The following DDR2 variants were observed in gnomAD, a reference collection of about 807,000 sequenced individuals.
DDR2 encodes the protein discoidin domain-containing receptor 2.
A neutral mutation model predicts 94.9 loss-of-function variants in DDR2; 27 were observed. The ratio of observed to expected loss-of-function variants is 0.28; its 90% confidence interval spans 0.21 to 0.39. The LOEUF (loss-of-function observed/expected upper bound fraction) is 0.39, where lower values mean the gene tolerates loss of function less well. Among genes scored for constraint, DDR2 ranks in the 10% least tolerant of loss-of-function variants. The pLI, the probability that DDR2 is intolerant of heterozygous loss-of-function variation, is 1.00. For missense variants in DDR2, 783 were observed against 1,076.0 expected (o/e 0.73, Z 3.81); for synonymous variants, 382 against 377.2 (o/e 1.01, Z -0.15).
chr1:162,696,959 C>T (rs1660222050), intron 2 of DDR2, among the ~76,000 whole-genome samples: 1 of 152,046 alleles, frequency 6.6e-6, no homozygotes, highest in Admixed American at 6.6e-5. Flanking sequence ...GCTGAGATTT[C>T]TATTATACAA....
intron 2 of DDR2, among the ~76,000 whole-genome samples, chr1:162,695,647 G>A (rs1660155136): frequency 6.6e-6 from 1 of 152,218 alleles, no homozygotes; most frequent in African/African-American, 2.4e-5. Context: ...AAATGGGGAT[G>A]TGGAGCACTG....
chr1:162,701,154 A>C (rs527927162), intron 2 of DDR2, among the ~76,000 whole-genome samples: 13 of 152,250 alleles, frequency 8.5e-5, no homozygotes, highest in Admixed American at 5.9e-4. Context: ...TAGTAGATAG[A>C]ATCATTCTTT....
intron 3 of DDR2, among the ~76,000 whole-genome samples, chr1:162,728,002 AT>A (rs1330911814): frequency 3.5e-5 from 5 of 141,530 alleles, no homozygotes; most frequent in African/African-American, 7.8e-5. Context: ...ATATATATCT[AT>A]ATATATATAG....
At chr1:162,762,154 T>C (rs1036937201) in intron 9 of DDR2, among the ~76,000 whole-genome samples, 10 of 152,220 alleles carry the variant, frequency 6.6e-5, no homozygotes, top group Non-Finnish European at 1.2e-4. Flanking sequence ...AGTTTCTTTA[T>C]TCTATTTGCT....
At chr1:162,721,737 A>T (rs1661431821) in intron 3 of DDR2, among the ~76,000 whole-genome samples, 1 of 152,204 alleles carries the variant, frequency 6.6e-6, no homozygotes, top group African/African-American at 2.4e-5. Context: ...GGTTTTTCCC[A>T]CAGAATGGCC....
chr1:162,641,662 T>C (rs963258778), intron 1 of DDR2, among the ~76,000 whole-genome samples: 2 of 152,358 alleles, frequency 1.3e-5, no homozygotes, highest in East Asian at 3.9e-4. Context: ...AATTGAAATG[T>C]CATATACTAT....
chr1:162,776,001 G>A (rs567661817), intron 15 of DDR2, 135 bp from the exon 16 acceptor site: 130 of 1,301,558 alleles, frequency 1.0e-4, no homozygotes, highest in Admixed American at 1.2e-4. Context: ...TTGGGGAAAC[G>A]CAAGGGATTC....
chr1:162,775,537 A>G, intron 14 of DDR2, 115 bp from the exon 15 acceptor site: 2 of 1,167,852 alleles, frequency 1.7e-6, no homozygotes, highest in African/African-American at 1.5e-5. Context: ...AAAGTTATCC[A>G]AAGGGAAACA....
At chr1:162,676,230 T>G (rs1659114273) in intron 2 of DDR2, among the ~76,000 whole-genome samples, 1 of 152,060 alleles carries the variant, frequency 6.6e-6, no homozygotes, top group African/African-American at 2.4e-5. Flanking sequence ...GCCTTACTCC[T>G]GGTCACATGC....
chr1:162,743,128 G>T (rs1050592868), intron 3 of DDR2, among the ~76,000 whole-genome samples: 4 of 152,092 alleles, frequency 2.6e-5, no homozygotes, highest in Non-Finnish European at 4.4e-5. Flanking sequence ...TATGATTCTG[G>T]TTAATTGCAG....
At chr1:162,775,282 G>A (rs1374515692) in intron 14 of DDR2, among the ~76,000 whole-genome samples, 2 of 150,150 alleles carry the variant, frequency 1.3e-5, no homozygotes, top group African/African-American at 4.9e-5. Flanking sequence ...AAATATCCTC[G>A]TGCACTTAAG....
chr1:162,721,914 AAAT>A (rs1296598673), intron 3 of DDR2, among the ~76,000 whole-genome samples: 5 of 152,224 alleles, frequency 3.3e-5, no homozygotes, highest in African/African-American at 1.2e-4. Flanking sequence ...AATAAAAATA[AAAT>A]AATAATTAGT....
At chr1:162,641,331 C>A (rs189018781) in intron 1 of DDR2, among the ~76,000 whole-genome samples, 20 of 152,286 alleles carry the variant, frequency 1.3e-4, no homozygotes, top group African/African-American at 4.6e-4. Context: ...ATGATCTTCA[C>A]CCTAGTTGTC....
intron 3 of DDR2, among the ~76,000 whole-genome samples, chr1:162,745,226 T>G (rs980582228): frequency 1.4e-4 from 21 of 152,246 alleles, no homozygotes; most frequent in African/African-American, 4.3e-4. Flanking sequence ...CTATATATCT[T>G]GGATATTAAC....
chr1:162,757,642 T>C (rs1244020579), intron 7 of DDR2, among the ~76,000 whole-genome samples: 3 of 152,142 alleles, frequency 2.0e-5, no homozygotes, highest in Non-Finnish European at 4.4e-5. Context: ...AATGAGTCAT[T>C]GAAGATTTTT....
Position 162,666,636 on chromosome 1 carries a change from A to G in DDR2, c.-28+11262A>G, listed in dbSNP as rs115238746. Among the ~76,000 whole-genome samples, 1,388 of 152,222 alleles carry G rather than the reference A, an allele frequency of 9.1e-3. 14 individuals carry two copies. Among genetic ancestry groups the G allele is most frequent in the African/African-American group, 0.031 (1,304 of 41,536 alleles). On this transcript the variant is annotated intron_variant, in intron 2 of 17. Coordinates refer to ENST00000367921, the MANE Select transcript of DDR2 (RefSeq NM_006182.4). ...GTTCCATAAGGAGCATGTATGTAAA[A>G]TCATCTGGCACATGGTTGCAGCTGA...
intron 3 of DDR2, among the ~76,000 whole-genome samples, chr1:162,734,048 G>C (rs1035169833): frequency 6.6e-6 from 1 of 152,096 alleles, no homozygotes; most frequent in Non-Finnish European, 1.5e-5. Flanking sequence ...AGATCCATGA[G>C]ACAAATTATT....
At chr1:162,746,843 G>A (rs144690705) in intron 3 of DDR2, among the ~76,000 whole-genome samples, 7,151 of 152,252 alleles carry the variant, frequency 0.047, 241 homozygotes, top group Non-Finnish European at 0.071. Context: ...TTGCTGTTCT[G>A]CAGCCTGCAC....
At chr1:162,686,721 C>A (rs140092989) in intron 2 of DDR2, among the ~76,000 whole-genome samples, 1 of 152,074 alleles carries the variant, frequency 6.6e-6, no homozygotes, top group Non-Finnish European at 1.5e-5. Context: ...ATAATCCTTT[C>A]GATATATACC....
Sources: gnomAD v4.1 joint callset for allele counts (sites outside exome capture counted in the v4.1 genomes callset) on GRCh38, gnomAD v4.1.1 for gene constraint, MANE v1.5 for transcripts, NCBI Gene and HGNC (gene_info 2026-07-23, HGNC 2026-07-21) for gene names.